Variants in TBC1D9 observed in about 807,000 individuals in gnomAD.
TBC1D9 encodes the protein TBC1 domain family member 9A.
In TBC1D9, 63 loss-of-function variants were observed where a neutral mutation model predicts 132.0. The observed-to-expected ratio is 0.48, with a 90% CI of 0.39 to 0.59. The LOEUF (loss-of-function observed/expected upper bound fraction) is 0.59. Ranked by LOEUF, TBC1D9 falls within the 20% of genes least tolerant of loss-of-function variation. The pLI, the probability that TBC1D9 is intolerant of heterozygous loss-of-function variation, is 0.00. For missense variants in TBC1D9, 1,261 were observed against 1,592.7 expected, an observed-to-expected ratio of 0.79 and a Z score of 3.54; for synonymous variants, 610 against 609.9, an observed-to-expected ratio of 1.00 and a Z score of 0.00.
At chr4:140,743,863 C>G (rs1265441453) in intron 1 of TBC1D9, among the ~76,000 whole-genome samples, 1 of 152,076 alleles carries the variant, frequency 6.6e-6, no homozygotes, top group African/African-American at 2.4e-5. Flanking sequence ...ATGCAGTGTC[C>G]CTAGAGCAGC....
intron 1 of TBC1D9, among the ~76,000 whole-genome samples, chr4:140,736,664 G>A (rs544330727): frequency 2.6e-5 from 4 of 152,268 alleles, no homozygotes; most frequent in Admixed American, 2.6e-4. Context: ...GCAAAACAGA[G>A]AACAGGAAGA....
At chr4:140,631,055 A>G (rs1158668933) in intron 16 of TBC1D9, among the ~76,000 whole-genome samples, 1 of 151,970 alleles carries the variant, frequency 6.6e-6, no homozygotes, top group Non-Finnish European at 1.5e-5. Context: ...TCAGCCAGTT[A>G]CACAATCACC....
intron 1 of TBC1D9, among the ~76,000 whole-genome samples, chr4:140,750,497 A>G (rs1738907642): frequency 6.6e-6 from 1 of 152,066 alleles, no homozygotes; most frequent in African/African-American, 2.4e-5. Context: ...CATCCCAGTA[A>G]AAAAGAAACA....
At chr4:140,682,812 T>C (rs1737726241) in intron 3 of TBC1D9, among the ~76,000 whole-genome samples, 1 of 152,168 alleles carries the variant, frequency 6.6e-6, no homozygotes, top group Admixed American at 6.5e-5. Flanking sequence ...GAGTGACATA[T>C]AACAAACCAT....
chr4:140,623,701 C>T (rs879599979), intron 20 of TBC1D9, among the ~76,000 whole-genome samples: 5 of 152,160 alleles, frequency 3.3e-5, no homozygotes, highest in Non-Finnish European at 5.9e-5. Flanking sequence ...TCTTCAATTA[C>T]AAAACTTAGC....
At chr4:140,666,578 T>C (rs1285810949) in intron 9 of TBC1D9, among the ~76,000 whole-genome samples, 1 of 152,120 alleles carries the variant, frequency 6.6e-6, no homozygotes, top group Non-Finnish European at 1.5e-5. Flanking sequence ...GACCTCGTGA[T>C]CCGCCCACCT....
chr4:140,671,522 T>C (rs1737535070), intron 6 of TBC1D9, among the ~76,000 whole-genome samples: 2 of 152,214 alleles, frequency 1.3e-5, no homozygotes, highest in African/African-American at 4.8e-5. Context: ...GGAATGGTTT[T>C]CAAAACACCA....
Position 140,659,661 on chromosome 4 carries a change from C to T in TBC1D9, c.1848G>A (p.Glu616=). 1 of 1,608,142 alleles carries T rather than the reference C, an allele frequency of 6.2e-7. No homozygotes were observed. The highest frequency in any genetic ancestry group is 8.5e-7 in the Non-Finnish European group (1 of 1,177,352). Residue 616 remains glutamate, a synonymous_variant, in exon 11 of 21, where the codon GAG becomes GAA. Coordinates refer to ENST00000442267, the MANE Select transcript of TBC1D9 (RefSeq NM_015130.3). ...CCACAAGCAGCCAGAAAGCTTCCTCCTCTTTGGCATAAAGCAGCAGCACTG... is the reference window on the plus strand; with the variant it reads ...CCACAAGCAGCCAGAAAGCTTCCTCTTCTTTGGCATAAAGCAGCAGCACTG... ...VTSVLLLYAK[E]EEAFWLLVAL...
chr4:140,670,989 G>A, intron 6 of TBC1D9, 63 bp from the exon 7 acceptor site: 1 of 1,428,528 alleles, frequency 7.0e-7, no homozygotes, highest in East Asian at 2.3e-5. Flanking sequence ...CAGCCTATAT[G>A]CAGCACTAAA....
At chr4:140,646,015 T>C (rs1217393315) in intron 13 of TBC1D9, among the ~76,000 whole-genome samples, 1 of 152,238 alleles carries the variant, frequency 6.6e-6, no homozygotes, top group South Asian at 2.1e-4. Context: ...TTTTTGTTTG[T>C]TGGTTTGTTT....
chr4:140,625,384 G>C (rs1173925987), intron 18 of TBC1D9, among the ~76,000 whole-genome samples: 1 of 152,120 alleles, frequency 6.6e-6, no homozygotes. Flanking sequence ...CTTAAAACGA[G>C]ACATTACAGG....
At position 140,678,863 on chromosome 4, in the gene TBC1D9, G is replaced by C. The variant is rs909984839; in HGVS notation, c.851+79C>G. The C allele has an allele frequency of 2.6e-4, 393 of 1,508,872 alleles. 1 individual carries two copies. The highest frequency in any genetic ancestry group is 3.3e-4 in the Non-Finnish European group (371 of 1,111,992). 93.5% of individuals were successfully genotyped at this position (1,508,872 alleles called of 1,614,324 possible). On this transcript the variant is annotated intron_variant, in intron 5 of 20. Transcript: ENST00000442267. Reference sequence around the variant, plus strand: ...TGTTCAGAACCCTTGAAGATCGTCAGAGAAGGTTACACTGAATAAATGAAT... The same window carrying C: ...TGTTCAGAACCCTTGAAGATCGTCACAGAAGGTTACACTGAATAAATGAAT...
intron 9 of TBC1D9, among the ~76,000 whole-genome samples, chr4:140,668,618 G>A (rs1363168815): frequency 6.6e-6 from 1 of 152,182 alleles, no homozygotes; most frequent in African/African-American, 2.4e-5. Flanking sequence ...AAAGTATTCT[G>A]TTCTTTTACT....
At chr4:140,687,342 TC>T (rs1317931204) in intron 2 of TBC1D9, among the ~76,000 whole-genome samples, 27 of 54,510 alleles carry the variant, frequency 5.0e-4, no homozygotes, top group African/African-American at 1.4e-3. Flanking sequence ...TGTGTGTGTG[TC>T]ATATATATAT....
At chr4:140,662,627 G>A (rs1268812676) in intron 9 of TBC1D9, among the ~76,000 whole-genome samples, 1 of 152,204 alleles carries the variant, frequency 6.6e-6, no homozygotes, top group Non-Finnish European at 1.5e-5. Context: ...GATACTTGGA[G>A]TTTTTCAAAT....
Position 140,706,668 on chromosome 4 carries a change from C to T in TBC1D9, c.131-5054G>A, listed in dbSNP as rs1331854540. On this transcript the variant is annotated intron_variant, in intron 1 of 20. Transcript: ENST00000442267. The surrounding 1 kb of genome is among the most constrained non-coding windows in gnomAD (Gnocchi z 4.0). ...CATTCTTAAATTGTTTTGTATTCTT[C>T]CTATCCAGGTCCTTATACTTTTACT... Among the ~76,000 whole-genome samples, 1 of 151,974 alleles carries T rather than the reference C, an allele frequency of 6.6e-6. No homozygotes were observed. Among genetic ancestry groups the T allele is most frequent in the Non-Finnish European group, 1.5e-5 (1 of 67,996 alleles).
intron 13 of TBC1D9, chr4:140,644,440 G>A (rs61067362): frequency 0.063 from 18,526 of 295,606 alleles, 715 homozygotes; most frequent in Admixed American, 0.11. Context: ...GGGGACGCGC[G>A]GGGCGATGGC....
At chr4:140,643,005 A>C in intron 13 of TBC1D9, 1 of 761,102 alleles carries the variant, frequency 1.3e-6, no homozygotes, top group Non-Finnish European at 2.1e-6. Context: ...CAGTTCCAGG[A>C]CGTCCATGTC....
chr4:140,633,580 T>C (rs1448608880), intron 16 of TBC1D9, among the ~76,000 whole-genome samples: 2 of 152,208 alleles, frequency 1.3e-5, no homozygotes, highest in Non-Finnish European at 2.9e-5. Flanking sequence ...AAATTTACTA[T>C]GAAATAGATG....
Sources: gnomAD v4.1 joint callset for allele counts (sites outside exome capture counted in the v4.1 genomes callset) on GRCh38, gnomAD v4.1.1 for gene constraint, Gnocchi (gnomAD v3.1) non-coding constraint, MANE v1.5 for transcripts, NCBI Gene and HGNC (gene_info 2026-07-23, HGNC 2026-07-21) for gene names.